CA5A: variants seen among roughly 807,000 people sequenced by gnomAD.
CA5A encodes the protein carbonic anhydrase 5A, mitochondrial.
CA5A carries 28 observed loss-of-function variants against 37.1 expected under a neutral mutation model. The ratio of observed to expected loss-of-function variants is 0.75; its 90% CI spans 0.56 to 1.03. The LOEUF is 1.03. Ranked by LOEUF, CA5A falls within the 50% of genes least tolerant of loss-of-function variation. The pLI is 0.00. For missense variants in CA5A, 444 were observed against 399.9 expected (o/e 1.11, Z -0.94); for synonymous variants, 171 against 158.4 (o/e 1.08, Z -0.60).
intron 5 of CA5A, chr16:87,893,136 TTCTTTC>T: frequency 5.7e-6 from 3 of 525,134 alleles, no homozygotes; most frequent in Non-Finnish European, 9.9e-6. Context: ...CTTTCTTTCT[TTCTTTC>T]TTTCTTTTTT....
intron 3 of CA5A, among the ~76,000 whole-genome samples, chr16:87,904,460 C>T (rs1488974047): frequency 6.6e-6 from 1 of 152,240 alleles, no homozygotes; most frequent in Non-Finnish European, 1.5e-5. Flanking sequence ...GTCCCTACAG[C>T]TGCAAGCACA....
intron 4 of CA5A, chr16:87,882,906 T>TG (rs537166999): frequency 3.0e-4 from 46 of 152,456 alleles, no homozygotes; most frequent in African/African-American, 9.4e-4. Context: ...CGCTTTATTT[T>TG]GGGGGGGCGT....
At chr16:87,895,503 C>A (rs2055789145) in intron 5 of CA5A, among the ~76,000 whole-genome samples, 2 of 152,144 alleles carry the variant, frequency 1.3e-5, no homozygotes, top group South Asian at 4.1e-4. Flanking sequence ...TGAGCTCATG[C>A]CATTGCACTC....
In CA5A at chr16:87,922,693, C is replaced by T. The variant is rs115016047; in HGVS notation, c.340+4055G>A. 9.6e-3 allele frequency among the ~76,000 whole-genome samples: 1,467 copies of T among 152,388 alleles called. 22 individuals carry two copies. Among genetic ancestry groups the T allele is most frequent in the African/African-American group, 0.031 (1,272 of 41,596 alleles). On this transcript the variant is annotated intron_variant, in intron 2 of 6. Transcript: ENST00000649794. ...CTGGGCCCTGGGCCAGCTGCCGGCTCTCCTGGGGACCGACTGTGACCTTGG... is the reference window on the plus strand; with the variant it reads ...CTGGGCCCTGGGCCAGCTGCCGGCTTTCCTGGGGACCGACTGTGACCTTGG...
chr16:87,899,919 C>CAAAAAAAAAAAAA (rs565557401), intron 5 of CA5A, among the ~76,000 whole-genome samples: 5 of 46,514 alleles, frequency 1.1e-4, no homozygotes, highest in African/African-American at 4.1e-4. Flanking sequence ...GATTTTATCT[C>CAAAAAAAAAAAAA]AAAAAAAAAA....
At chr16:87,899,789 G>A (rs1597551402) in intron 5 of CA5A, among the ~76,000 whole-genome samples, 1 of 150,804 alleles carries the variant, frequency 6.6e-6, no homozygotes, top group African/African-American at 2.4e-5. Flanking sequence ...GCATGGTGGT[G>A]GGCGCCGGTA....
At chr16:87,917,275 C>G (rs1567530101) in intron 2 of CA5A, among the ~76,000 whole-genome samples, 2 of 152,130 alleles carry the variant, frequency 1.3e-5, no homozygotes, top group African/African-American at 4.8e-5. Flanking sequence ...CTGGACCAAT[C>G]AGAGCCTCTT....
chr16:87,936,033 G>A (rs917620184), intron 1 of CA5A, among the ~76,000 whole-genome samples: 6 of 152,016 alleles, frequency 3.9e-5, no homozygotes, highest in African/African-American at 7.3e-5. Flanking sequence ...TTAGCCAGGA[G>A]TGGTGGCATG....
intron 1 of CA5A, among the ~76,000 whole-genome samples, chr16:87,928,129 C>G (rs1392196598): frequency 6.6e-6 from 1 of 152,162 alleles, no homozygotes; most frequent in African/African-American, 2.4e-5. Context: ...CTGTCCTCAC[C>G]TTCACAGGCC....
At chr16:87,885,855 T>C (rs7498257), downstream of CA5A, 52,045 of 152,080 alleles carry the variant, frequency 0.34, 9,924 homozygotes, top group African/African-American at 0.52. Flanking sequence ...GACTTACCAC[T>C]CCAGACTTTC....
At chr16:87,929,107 T>C (rs1016316138) in intron 1 of CA5A, among the ~76,000 whole-genome samples, 1 of 146,840 alleles carries the variant, frequency 6.8e-6, no homozygotes, top group African/African-American at 2.5e-5. Context: ...AACCACAGAA[T>C]CACTAGGTCA....
intron 2 of CA5A, among the ~76,000 whole-genome samples, chr16:87,913,958 T>C (rs911993133): frequency 6.6e-6 from 1 of 152,216 alleles, no homozygotes; most frequent in African/African-American, 2.4e-5. Flanking sequence ...ACAAGAGGCG[T>C]GGGGAGCGGC....
At chr16:87,892,781 C>T (rs2055741592) in intron 5 of CA5A, among the ~76,000 whole-genome samples, 1 of 148,960 alleles carries the variant, frequency 6.7e-6, no homozygotes, top group Admixed American at 6.8e-5. Context: ...TCAAGCGATT[C>T]TCCTGCCTCA....
chr16:87,886,732 G>A (rs371644230), downstream of CA5A: 5 of 152,196 alleles, frequency 3.3e-5, 1 homozygote, highest in African/African-American at 1.2e-4. Context: ...TCAATCAATA[G>A]ATATCCAAAT....
chr16:87,916,131 G>A (rs1174125366), intron 2 of CA5A, among the ~76,000 whole-genome samples: 1 of 145,482 alleles, frequency 6.9e-6, no homozygotes, highest in Non-Finnish European at 1.5e-5. Flanking sequence ...TCGCGCCACT[G>A]CACTCCAGCC....
At position 87,904,852 on chromosome 16, in the gene CA5A, G is replaced by C. The variant is rs763796811; in HGVS notation, c.393C>G (p.Phe131Leu). 1 of 1,613,478 alleles carries C rather than the reference G, an allele frequency of 6.2e-7. No homozygotes were observed. Among genetic ancestry groups the C allele is most frequent in the Admixed American group, 1.7e-5 (1 of 59,990 alleles). Reference sequence around the variant, plus strand: ...CCCCCTCGTTCACTGCTCCCCAGTGGAAGTGAAATTGCTTCAGTCTGTAGT... The same window carrying C: ...CCCCCTCGTTCACTGCTCCCCAGTGCAAGTGAAATTGCTTCAGTCTGTAGT... Reference protein sequence around the residue: ...ENHYRLKQFHFHWGAVNEGGS... With the variant: ...ENHYRLKQFHLHWGAVNEGGS... Residue 131 changes from phenylalanine to leucine, a missense_variant, in exon 3 of 7, where the codon TTC becomes TTG. Phe to Leu is a conservative substitution (Grantham distance 22). Coordinates refer to ENST00000649794, the MANE Select transcript of CA5A (RefSeq NM_001739.2).
chr16:87,917,687 A>G (rs907795037), intron 2 of CA5A, among the ~76,000 whole-genome samples: 1 of 150,868 alleles, frequency 6.6e-6, no homozygotes, highest in Admixed American at 6.6e-5. Flanking sequence ...ACAGTGCACA[A>G]TGCACACCCG....
chr16:87,895,797 C>T (rs1356512518), intron 5 of CA5A, among the ~76,000 whole-genome samples: 1 of 152,124 alleles, frequency 6.6e-6, no homozygotes. Flanking sequence ...TCACTCAGCA[C>T]GGCGCTTTTG....
At chr16:87,899,725 G>T (rs905493311) in intron 5 of CA5A, among the ~76,000 whole-genome samples, 30 of 150,196 alleles carry the variant, frequency 2.0e-4, no homozygotes, top group African/African-American at 4.9e-4. Flanking sequence ...TTTGACACCA[G>T]CCTGGCCAAC....
Sources: allele counts gnomAD v4.1 joint callset (sites outside exome capture counted in the v4.1 genomes callset), GRCh38; gene constraint gnomAD v4.1.1; transcripts MANE v1.5; gene names NCBI Gene and HGNC (gene_info 2026-07-23, HGNC 2026-07-21).